The following CNTNAP2 variants were observed in gnomAD, a reference collection of about 807,000 sequenced individuals.
CNTNAP2 encodes contactin associated protein 2, also known as contactin-associated protein-like 2.
A neutral mutation model predicts 155.2 loss-of-function variants in CNTNAP2; 98 were observed. The ratio of observed to expected loss-of-function variants is 0.63; its 90% CI spans 0.54 to 0.75. CNTNAP2 has a LOEUF of 0.75. Among genes scored for constraint, CNTNAP2 ranks in the 30% least tolerant of loss-of-function variants. CNTNAP2 has a pLI of 0.00. For synonymous variants in CNTNAP2, 651 were observed against 631.2 expected, an observed-to-expected ratio of 1.03 and a Z score of -0.47; for missense variants, 1,727 against 1,688.1, an observed-to-expected ratio of 1.02 and a Z score of -0.40.
rs138596270 is a variant in CNTNAP2 at position 148,264,892 on chromosome 7, A to G, written c.3382-2141A>G. Among the ~76,000 whole-genome samples, 57 of 152,098 alleles carry G rather than the reference A, an allele frequency of 3.7e-4. No homozygotes were observed. The East Asian group carries it at 0.01, about 28-fold the overall frequency. Reference sequence around the variant, plus strand: ...GTATTTTTAGTAGAGACAGGGTTTCATCATGTTGGCCAGGATGGTCTCGAT... The same window carrying G: ...GTATTTTTAGTAGAGACAGGGTTTCGTCATGTTGGCCAGGATGGTCTCGAT... On this transcript the variant is annotated intron_variant, in intron 20 of 23. Coordinates refer to ENST00000361727, the MANE Select transcript of CNTNAP2 (RefSeq NM_014141.6).
chr7:147,775,323 T>TAA (rs1797558408), intron 13 of CNTNAP2, among the ~76,000 whole-genome samples: 1 of 29,758 alleles, frequency 3.4e-5, no homozygotes, highest in African/African-American at 4.3e-4. Flanking sequence ...ATATATATAT[T>TAA]TATATATATT....
rs1366774694 is a variant in CNTNAP2, at chr7:147,723,323, CCAAATTAATATTGATT to C, written c.2098+84022_2098+84037del. 2.0e-5 allele frequency among the ~76,000 whole-genome samples: 3 copies of C among 151,840 alleles called. No individual in the cohort carries two copies. In the East Asian group the frequency reaches 5.8e-4, roughly 29 times the overall value. The stretch of plus-strand genomic sequence containing the variant: ...GGCATGTGTAGTAGGACCCAGACAG[CCAAATTAATATTGATT>C]CAAAGAACCAGAACTGCAATGAAAT... On this transcript the variant is annotated intron_variant, in intron 13 of 23. Coordinates refer to ENST00000361727, the MANE Select transcript of CNTNAP2 (RefSeq NM_014141.6).
intron 13 of CNTNAP2, among the ~76,000 whole-genome samples, chr7:147,701,156 C>G (rs1045872100): frequency 6.6e-6 from 1 of 152,182 alleles, no homozygotes; most frequent in African/African-American, 2.4e-5. Flanking sequence ...ATGTCAGGCT[C>G]TTTTCATTTA....
chr7:147,020,382 G>A (rs746920277), intron 3 of CNTNAP2, among the ~76,000 whole-genome samples: 1 of 152,052 alleles, frequency 6.6e-6, no homozygotes, highest in Non-Finnish European at 1.5e-5. Flanking sequence ...AGGGTTAAAG[G>A]GTCTAGTCTG....
chr7:146,917,209 A>C (rs377482594), intron 3 of CNTNAP2, among the ~76,000 whole-genome samples: 1 of 151,822 alleles, frequency 6.6e-6, no homozygotes, highest in Non-Finnish European at 1.5e-5. Flanking sequence ...GATTTTCTTA[A>C]ATTTGATTTG....
intron 11 of CNTNAP2, among the ~76,000 whole-genome samples, chr7:147,541,755 A>G (rs1204168774): frequency 6.6e-6 from 1 of 152,198 alleles, no homozygotes; most frequent in Non-Finnish European, 1.5e-5. Flanking sequence ...ACCTTCTCAT[A>G]TTATGTTTAA....
intron 2 of CNTNAP2, among the ~76,000 whole-genome samples, chr7:146,777,903 AT>A (rs71165038): frequency 0.36 from 54,210 of 150,014 alleles, 10,745 homozygotes; most frequent in African/African-American, 0.53. Context: ...GAGAAAAGAG[AT>A]TTTTTTTTTT....
chr7:147,516,158 T>C (rs181890840), intron 11 of CNTNAP2, among the ~76,000 whole-genome samples: 21 of 152,344 alleles, frequency 1.4e-4, no homozygotes, highest in Non-Finnish European at 2.5e-4. Context: ...AAAACTCTTA[T>C]AATGTGATTG....
At chr7:147,788,987 C>G (rs923821619) in intron 13 of CNTNAP2, among the ~76,000 whole-genome samples, 1 of 148,306 alleles carries the variant, frequency 6.7e-6, no homozygotes, top group African/African-American at 2.5e-5. Flanking sequence ...TCACTGCAAC[C>G]TCTGCCTCCT....
At chr7:146,322,232 C>T (rs1801016726) in intron 1 of CNTNAP2, among the ~76,000 whole-genome samples, 2 of 152,116 alleles carry the variant, frequency 1.3e-5, no homozygotes, top group South Asian at 4.1e-4. Context: ...TCACTGATAG[C>T]TGCCTGAAAC....
chr7:147,240,500 G>A (rs377561543), intron 8 of CNTNAP2, among the ~76,000 whole-genome samples: 3 of 152,154 alleles, frequency 2.0e-5, no homozygotes, highest in South Asian at 2.1e-4. Context: ...AGCTCCAGGC[G>A]TTTCACTTCC....
chr7:148,208,178 A>G (rs1795486053), intron 18 of CNTNAP2, among the ~76,000 whole-genome samples: 1 of 152,042 alleles, frequency 6.6e-6, no homozygotes, highest in Non-Finnish European at 1.5e-5. Flanking sequence ...CCCAAGAGAG[A>G]ACAGATGCAA....
chr7:147,199,022 C>A (rs1310988601), intron 8 of CNTNAP2, among the ~76,000 whole-genome samples: 2 of 139,520 alleles, frequency 1.4e-5, no homozygotes, highest in East Asian at 2.1e-4. Context: ...AGTGCAATGG[C>A]GTGGTCTCAG....
intron 18 of CNTNAP2, among the ~76,000 whole-genome samples, chr7:148,197,098 A>G (rs1795290533): frequency 6.6e-6 from 1 of 152,246 alleles, no homozygotes. Flanking sequence ...ACATCATAAA[A>G]TACACACAAA....
intron 14 of CNTNAP2, among the ~76,000 whole-genome samples, chr7:147,904,193 T>C (rs1799921262): frequency 6.6e-6 from 1 of 152,046 alleles, no homozygotes; most frequent in South Asian, 2.1e-4. Context: ...ACAGAAAAAA[T>C]CATTCTTTGC....
chr7:146,654,884 C>A (rs1305084104), intron 1 of CNTNAP2, among the ~76,000 whole-genome samples: 3 of 151,938 alleles, frequency 2.0e-5, no homozygotes, highest in Admixed American at 1.3e-4. Context: ...ATCCAAAATG[C>A]ATTTATGGAT....
At chr7:147,537,975 T>C (rs1363437327) in intron 11 of CNTNAP2, among the ~76,000 whole-genome samples, 1 of 152,216 alleles carries the variant, frequency 6.6e-6, no homozygotes, top group Non-Finnish European at 1.5e-5. Flanking sequence ...TCTTCTGATG[T>C]GAATTTGAAA....
At chr7:146,209,782 C>T (rs1032776036) in intron 1 of CNTNAP2, among the ~76,000 whole-genome samples, 2 of 152,088 alleles carry the variant, frequency 1.3e-5, no homozygotes, top group Non-Finnish European at 2.9e-5. Flanking sequence ...AAACTTCCAT[C>T]TATAGAACAG....
intron 15 of CNTNAP2, among the ~76,000 whole-genome samples, chr7:147,979,034 G>C (rs1016033492): frequency 6.6e-6 from 1 of 152,156 alleles, no homozygotes; most frequent in Non-Finnish European, 1.5e-5. Context: ...AGACCTACTT[G>C]ATAATAAATT....
Sources: allele counts gnomAD v4.1 joint callset (sites outside exome capture counted in the v4.1 genomes callset), GRCh38; gene constraint gnomAD v4.1.1; transcripts MANE v1.5; gene names NCBI Gene and HGNC (gene_info 2026-07-23, HGNC 2026-07-21).